Variants in MTFR1L observed in about 807,000 individuals in gnomAD.
The protein encoded by MTFR1L is mitochondrial fission regulator 1 like, also known as mitochondrial fission regulator 1-like.
In MTFR1L, 10 loss-of-function variants were observed where a neutral mutation model predicts 27.9. That is an observed-to-expected ratio of 0.36 (90% CI 0.22 to 0.61). MTFR1L has a LOEUF of 0.61. Among genes scored for constraint, MTFR1L ranks in the 20% least tolerant of loss-of-function variants. The probability of loss-of-function intolerance (pLI) is 0.73; values close to 1 mark genes in which losing one functional copy is unlikely to be tolerated. For synonymous variants in MTFR1L, 151 were observed against 139.4 expected, an observed-to-expected ratio of 1.08 and a Z score of -0.58; for missense variants, 315 against 363.7, an observed-to-expected ratio of 0.87 and a Z score of 1.09.
chr1:25,829,229 T>C (rs1186644764), intron 5 of MTFR1L, among the ~76,000 whole-genome samples: 1 of 152,128 alleles, frequency 6.6e-6, no homozygotes, highest in African/African-American at 2.4e-5. Context: ...CAGCCTATTG[T>C]GGAATGGGAG....
chr1:25,827,523 C>T (rs560204318), intron 5 of MTFR1L, among the ~76,000 whole-genome samples: 1 of 151,854 alleles, frequency 6.6e-6, no homozygotes, highest in African/African-American at 2.4e-5. Flanking sequence ...TCACTGCAAC[C>T]TCTGCCTCCC....
chr1:25,831,702 G>A (rs1477665538), intron 6 of MTFR1L, among the ~76,000 whole-genome samples: 5 of 152,176 alleles, frequency 3.3e-5, no homozygotes, highest in Admixed American at 2.6e-4. Context: ...AGCTAGTTTG[G>A]TTCTGAACTC....
chr1:25,828,962 CAT>C (rs981733297), intron 5 of MTFR1L, among the ~76,000 whole-genome samples: 7 of 152,084 alleles, frequency 4.6e-5, no homozygotes, highest in Admixed American at 4.6e-4. Context: ...TTTTTAGAAA[CAT>C]AGTTTTTAGT....
rs2048168270 is a variant in MTFR1L, at chr1:25,826,374, A to G, written c.202A>G (p.Ile68Val). The change falls in exon 4 of 7, where the codon ATT becomes GTT. Residue 68 changes from isoleucine to valine, a missense_variant. By Grantham distance (29) the Ile-to-Val change is conservative. Coordinates refer to ENST00000374303, the MANE Select transcript of MTFR1L (RefSeq NM_001099625.2). This position sits in a 1 kb window ranked among gnomAD's most constrained non-coding sequence, Gnocchi z 4.1. ...CCCTACCCTGGCTGACATCGCCTGG[A>G]TTGCTGCGGATGAAGAGGAGACATA... is the stretch of plus-strand genomic sequence containing the variant. ...PVPTLADIAW[I>V]AADEEETYAR... is the part of the protein sequence containing the mutation. 2 of 1,614,004 alleles carry G rather than the reference A, an allele frequency of 1.2e-6. No homozygotes were observed. Among genetic ancestry groups the G allele is most frequent in the Non-Finnish European group, 1.7e-6 (2 of 1,180,046 alleles).
chr1:25,826,671 A>AGCGCAATGCCTCTGTTCCCAACCT lies in MTFR1L; in HGVS notation c.300_323dup (p.Asn101_Arg108dup). On this transcript the variant is annotated inframe_insertion, in exon 5 of 7. Coordinates refer to ENST00000374303, the MANE Select transcript of MTFR1L (RefSeq NM_001099625.2). The surrounding 1 kb of genome is among the most constrained non-coding windows in gnomAD (Gnocchi z 4.1). ...AAACCCAGCCCTCTGATTGTCATGC[A>AGCGCAATGCCTCTGTTCCCAACCT]GCGCAATGCCTCTGTTCCCAACCTG... is the stretch of plus-strand genomic sequence containing the variant. 1.2e-6 allele frequency: 2 copies of AGCGCAATGCCTCTGTTCCCAACCT among 1,614,176 alleles called. No homozygotes were observed. The highest frequency in any genetic ancestry group is 1.7e-6 in the Non-Finnish European group (2 of 1,180,036).
chr1:25,828,855 A>G (rs901687205), intron 5 of MTFR1L, among the ~76,000 whole-genome samples: 1 of 152,198 alleles, frequency 6.6e-6, no homozygotes, highest in Non-Finnish European at 1.5e-5. Context: ...CATGTATTTA[A>G]TTTCTTCACA....
intron 3 of MTFR1L, chr1:25,825,696 A>G (rs2048157927): frequency 1.3e-5 from 2 of 152,288 alleles, no homozygotes; most frequent in African/African-American, 2.4e-5. Context: ...CTATTGCTGT[A>G]ACAGGTTGTG....
In MTFR1L at chr1:25,832,204, T is replaced by G; in HGVS notation, c.*178T>G. ...TATATATTTCCCAGACTTCAAACCC[T>G]AGCAGAAGCTAAGGCTTGTGATTTG... On this transcript the variant is annotated 3_prime_UTR_variant, in exon 7 of 7. Coordinates refer to ENST00000374303, the MANE Select transcript of MTFR1L (RefSeq NM_001099625.2). 1 of 1,520,674 alleles carries G rather than the reference T, an allele frequency of 6.6e-7. No homozygotes were observed. Among genetic ancestry groups the G allele is most frequent in the East Asian group, 2.5e-5 (1 of 40,768 alleles). The allele number at this position is 1,520,674 out of a possible 1,614,324, so 94.2% of individuals were successfully genotyped here. A position where few individuals can be genotyped will look rare whatever the true frequency, so the allele number is the denominator to read the frequency against.
In MTFR1L at chr1:25,829,792, C is replaced by G; in HGVS notation, c.735C>G (p.Ile245Met). ...KASSFADMMG[I>M]LKDFHRMKQS... ...GCAGCTTTGCAGACATGATGGGTAT[C>G]CTGAAGGACTTTCACCGAATGAAAC... is the stretch of plus-strand genomic sequence containing the variant. Residue 245 changes from isoleucine (I) to methionine (M), a missense_variant, in exon 6 of 7, where the codon ATC becomes ATG. Physicochemically the swap from Ile to Met is conservative, Grantham distance 10. Transcript: ENST00000374303. The G allele has an allele frequency of 1.2e-6, 2 of 1,607,190 alleles. No homozygotes were observed. Among genetic ancestry groups the G allele is most frequent in the Non-Finnish European group, 1.7e-6 (2 of 1,179,490 alleles).
chr1:25,820,305 G>A (rs763534570), intron 1 of MTFR1L: 5 of 455,992 alleles, frequency 1.1e-5, no homozygotes, highest in South Asian at 7.7e-5. Context: ...GCCCCGCCGC[G>A]CATTCTGAGA....
rs2048173077 is a variant in MTFR1L, at chr1:25,826,680, C to T, written c.305C>T (p.Ala102Val). 2 of 1,614,194 alleles carry T rather than the reference C, an allele frequency of 1.2e-6. No individual in the cohort carries two copies. The highest frequency in any genetic ancestry group is 1.7e-6 in the Non-Finnish European group (2 of 1,180,040). ...PSPLIVMQRN[A>V]SVPNLRGSEE... Reference sequence around the variant, plus strand: ...CCTCTGATTGTCATGCAGCGCAATGCCTCTGTTCCCAACCTGCGTGGGTCC... The same window carrying T: ...CCTCTGATTGTCATGCAGCGCAATGTCTCTGTTCCCAACCTGCGTGGGTCC... The change falls in exon 5 of 7, where the codon GCC (alanine) becomes GTC (valine). Residue 102 changes from alanine to valine, a missense_variant. Transcript: ENST00000374303. This position sits in a 1 kb window ranked among gnomAD's most constrained non-coding sequence, Gnocchi z 4.1.
rs777737131 is a variant in MTFR1L at position 25,826,509 on chromosome 1, A to G, written c.239+98A>G. Reference sequence around the variant, plus strand: ...AGGAATGAGAACTGTGGGCTCAGAGAGGAGCAGAACCTTACTATACTACTC... The same window carrying G: ...AGGAATGAGAACTGTGGGCTCAGAGGGGAGCAGAACCTTACTATACTACTC... On this transcript the variant is annotated intron_variant, in intron 4 of 6. Coordinates refer to ENST00000374303, the MANE Select transcript of MTFR1L (RefSeq NM_001099625.2). This position sits in a 1 kb window ranked among gnomAD's most constrained non-coding sequence, Gnocchi z 4.1. The G allele has an allele frequency of 7.6e-6, 12 of 1,576,716 alleles. No homozygotes were observed. Among genetic ancestry groups the G allele is most frequent in the Non-Finnish European group, 9.6e-6 (11 of 1,147,126 alleles).
At position 25,829,489 on chromosome 1, in the gene MTFR1L, C is replaced by A; in HGVS notation, c.452-20C>A. On this transcript the variant is annotated intron_variant, in intron 5 of 6. Transcript: ENST00000374303. ...GTTCTAGCCCCAATGTCCACCCATG[C>A]CTATTGTTTTCTCTTTCAGCTTCGG... is the stretch of plus-strand genomic sequence containing the variant. 2 of 1,605,054 alleles carry A rather than the reference C, an allele frequency of 1.2e-6. No individual in the cohort carries two copies. The highest frequency in any genetic ancestry group is 1.7e-6 in the Non-Finnish European group (2 of 1,173,796).
In MTFR1L at chr1:25,832,136, T is replaced by C. The variant is rs746750623; in HGVS notation, c.*110T>C. The stretch of plus-strand genomic sequence containing the variant: ...TAAGGATAGATCTTCTGCAACAGTC[T>C]TGCTGACAAGCTAGAGCTTGGACTG... On this transcript the variant is annotated 3_prime_UTR_variant, in exon 7 of 7. Transcript: ENST00000374303. 3.8e-5 allele frequency: 60 copies of C among 1,587,558 alleles called. No homozygotes were observed. Among genetic ancestry groups the C allele is most frequent in the Non-Finnish European group, 4.6e-5 (54 of 1,169,156 alleles).
In MTFR1L at chr1:25,826,002, T is replaced by G; in HGVS notation, c.130-300T>G. ...GCGTATACCACCATACCCAGATAAT[T>G]TTTGTATTTTTTGGTAGAGGCAGGG... On this transcript the variant is annotated intron_variant, in intron 3 of 6. Transcript: ENST00000374303. The surrounding 1 kb of genome is among the most constrained non-coding windows in gnomAD (Gnocchi z 4.1). The G allele has an allele frequency of 6.4e-6, 2 of 311,724 alleles. No individual in the cohort carries two copies. Among genetic ancestry groups the G allele is most frequent in the Non-Finnish European group, 6.2e-6 (1 of 162,336 alleles). The allele number at this position is 311,724 out of a possible 1,614,324, so 19.3% of individuals were successfully genotyped here. A position where few individuals can be genotyped will look rare whatever the true frequency, so the allele number is the denominator to read the frequency against.
At chr1:25,821,654 CAT>C (rs2048094078) in intron 1 of MTFR1L, 1 of 152,372 alleles carries the variant, frequency 6.6e-6, no homozygotes, top group African/African-American at 2.4e-5. Context: ...ACCCGGACCT[CAT>C]GACTTGCCCC....
chr1:25,829,783 G>T lies in MTFR1L; in HGVS notation c.726G>T (p.Met242Ile). 6.2e-7 allele frequency: 1 copy of T among 1,609,228 alleles called. No individual in the cohort carries two copies. Residue 242 changes from methionine (M) to isoleucine (I), a missense_variant, in exon 6 of 7, where the codon ATG becomes ATT. By Grantham distance (10) the Met-to-Ile change is conservative. Coordinates refer to ENST00000374303, the MANE Select transcript of MTFR1L (RefSeq NM_001099625.2). ...SLSKASSFADMMGILKDFHRM... is the reference protein window; with the variant it reads ...SLSKASSFADIMGILKDFHRM... Reference sequence around the variant, plus strand: ...CCAAGGCCAGCAGCTTTGCAGACATGATGGGTATCCTGAAGGACTTTCACC... The same window carrying T: ...CCAAGGCCAGCAGCTTTGCAGACATTATGGGTATCCTGAAGGACTTTCACC...
intron 6 of MTFR1L, 54 bp from the exon 7 acceptor site, chr1:25,831,867 T>C: frequency 7.3e-7 from 1 of 1,373,658 alleles, no homozygotes; most frequent in Non-Finnish European, 1.0e-6. Context: ...ATTCAAAAGA[T>C]ATACAGCACT....
chr1:25,828,553 C>T (rs1334344535), intron 5 of MTFR1L, among the ~76,000 whole-genome samples: 2 of 150,604 alleles, frequency 1.3e-5, no homozygotes, highest in Non-Finnish European at 2.9e-5. Context: ...GAGTGAGACT[C>T]CGTCTCAAAA....
Sources: allele counts gnomAD v4.1 joint callset (sites outside exome capture counted in the v4.1 genomes callset), GRCh38; gene constraint gnomAD v4.1.1; non-coding constraint Gnocchi (gnomAD v3.1); transcripts MANE v1.5; gene names NCBI Gene and HGNC (gene_info 2026-07-23, HGNC 2026-07-21).